The following DGKI variants were observed in gnomAD, a reference collection of about 807,000 sequenced individuals.
DGKI encodes the protein diacylglycerol kinase iota, also known as DAG kinase iota.
A neutral mutation model predicts 147.5 loss-of-function variants in DGKI; 55 were observed. That is an observed-to-expected ratio of 0.37 (90% CI 0.30 to 0.47). The LOEUF is 0.47. Among genes scored for constraint, DGKI ranks in the 20% least tolerant of loss-of-function variants. The pLI is 1.00. For synonymous variants in DGKI, 469 were observed against 477.1 expected, an observed-to-expected ratio of 0.98 and a Z score of 0.22; for missense variants, 1,007 against 1,323.8, an observed-to-expected ratio of 0.76 and a Z score of 3.71.
intron 3 of DGKI, among the ~76,000 whole-genome samples, chr7:137,675,659 T>C (rs962323689): frequency 7.8e-6 from 1 of 127,932 alleles, no homozygotes; most frequent in Non-Finnish European, 1.6e-5. Flanking sequence ...CACTCCAGCC[T>C]GGGCAGCCGA....
At chr7:137,514,608 C>T (rs994065053) in intron 21 of DGKI, among the ~76,000 whole-genome samples, 2 of 152,166 alleles carry the variant, frequency 1.3e-5, no homozygotes, top group Non-Finnish European at 2.9e-5. Context: ...TTGCTGAATC[C>T]TCTGCATCTT....
intron 12 of DGKI, among the ~76,000 whole-genome samples, chr7:137,593,536 T>A (rs1211168273): frequency 6.6e-6 from 1 of 152,134 alleles, no homozygotes; most frequent in African/African-American, 2.4e-5. Flanking sequence ...GCCTCTGAAC[T>A]GTGCAAGCCA....
In DGKI at chr7:137,577,203, C is replaced by T; in HGVS notation, c.1761+19G>A. 6.5e-7 allele frequency: 1 copy of T among 1,531,844 alleles called. No homozygotes were observed. Among genetic ancestry groups the T allele is most frequent in the Non-Finnish European group, 9.0e-7 (1 of 1,115,990 alleles). The allele number at this position is 1,531,844 out of a possible 1,614,324, so 94.9% of individuals were successfully genotyped here. ...CATATCATATTCAAATTAAATAAATCAACATATTCAATACTTACAACAACT... is the reference window on the plus strand; with the variant it reads ...CATATCATATTCAAATTAAATAAATTAACATATTCAATACTTACAACAACT... On this transcript the variant is annotated intron_variant, in intron 17 of 32. Coordinates refer to ENST00000614521, the MANE Select transcript of DGKI (RefSeq NM_001321708.2).
At chr7:137,530,263 AC>A (rs1291873658) in intron 20 of DGKI, among the ~76,000 whole-genome samples, 2 of 152,006 alleles carry the variant, frequency 1.3e-5, no homozygotes, top group African/African-American at 4.8e-5. Context: ...GAAGCTCTTT[AC>A]TTTTGGAATT....
intron 28 of DGKI, among the ~76,000 whole-genome samples, chr7:137,442,631 C>T (rs1008562795): frequency 4.6e-5 from 7 of 152,148 alleles, no homozygotes; most frequent in Non-Finnish European, 1.0e-4. Flanking sequence ...TGGTCAATTG[C>T]CTGATCCTGA....
At chr7:137,709,248 A>C (rs992498328) in intron 1 of DGKI, among the ~76,000 whole-genome samples, 2 of 152,192 alleles carry the variant, frequency 1.3e-5, no homozygotes, top group African/African-American at 4.8e-5. Flanking sequence ...GGAAGCTTAA[A>C]TTTCAGGGCC....
At chr7:137,799,818 G>A (rs1163713804) in intron 1 of DGKI, among the ~76,000 whole-genome samples, 3 of 152,202 alleles carry the variant, frequency 2.0e-5, no homozygotes, top group African/African-American at 7.2e-5. Flanking sequence ...GTCCCATTAG[G>A]TGCGTCCATT....
At chr7:137,471,774 G>A (rs1814899428) in intron 23 of DGKI, among the ~76,000 whole-genome samples, 1 of 151,028 alleles carries the variant, frequency 6.6e-6, no homozygotes, top group Non-Finnish European at 1.5e-5. Flanking sequence ...ATTCAGGAAT[G>A]CTACCAAAAT....
chr7:137,503,597 T>A (rs2128943775), intron 21 of DGKI, among the ~76,000 whole-genome samples: 1 of 152,292 alleles, frequency 6.6e-6, no homozygotes, highest in East Asian at 1.9e-4. Flanking sequence ...TTTGCTATAG[T>A]ACATATTCTC....
chr7:137,789,529 C>G (rs1253106121), intron 1 of DGKI, among the ~76,000 whole-genome samples: 1 of 151,948 alleles, frequency 6.6e-6, no homozygotes, highest in African/African-American at 2.4e-5. Context: ...ATATAAATAA[C>G]CTGGGTAATT....
intron 28 of DGKI, among the ~76,000 whole-genome samples, chr7:137,433,518 T>C (rs1247886660): frequency 6.6e-6 from 1 of 152,212 alleles, no homozygotes; most frequent in Non-Finnish European, 1.5e-5. Context: ...TAGCCTCACA[T>C]GAGAATTATA....
At chr7:137,758,999 A>T (rs1795772378) in intron 1 of DGKI, among the ~76,000 whole-genome samples, 1 of 152,140 alleles carries the variant, frequency 6.6e-6, no homozygotes, top group Admixed American at 6.5e-5. Context: ...ATACATGCGC[A>T]TGCTTGTTAC....
At chr7:137,410,489 T>G (rs908923994) in intron 29 of DGKI, among the ~76,000 whole-genome samples, 38 of 152,214 alleles carry the variant, frequency 2.5e-4, no homozygotes, top group African/African-American at 9.2e-4. Flanking sequence ...ATTAGGTTGG[T>G]GCAAAAATGA....
chr7:137,626,495 T>A (rs933534238), intron 6 of DGKI, among the ~76,000 whole-genome samples: 2 of 152,112 alleles, frequency 1.3e-5, no homozygotes, highest in Admixed American at 1.3e-4. Context: ...CAGAGTCTAG[T>A]GGGCCAAAGG....
chr7:137,793,253 C>G lies in DGKI; in HGVS notation c.401+53209G>C, dbSNP rs372117874. Reference sequence around the variant, plus strand: ...CGAAAAAAAGCCCTAGTTAGTCTACCTGACCCATTCTCTTCCCCTTCCAAT... The same window carrying G: ...CGAAAAAAAGCCCTAGTTAGTCTACGTGACCCATTCTCTTCCCCTTCCAAT... On this transcript the variant is annotated intron_variant, in intron 1 of 32. Coordinates refer to ENST00000614521, the MANE Select transcript of DGKI (RefSeq NM_001321708.2). 9.9e-5 allele frequency among the ~76,000 whole-genome samples: 15 copies of G among 152,082 alleles called. No homozygotes were observed. In the East Asian group the frequency reaches 2.1e-3, roughly 22 times the overall value.
intron 1 of DGKI, among the ~76,000 whole-genome samples, chr7:137,759,334 C>CT (rs551016252): frequency 2.0e-3 from 290 of 146,374 alleles, no homozygotes; most frequent in African/African-American, 5.2e-3. Context: ...GCTCTACATT[C>CT]TTTTTTTTTT....
At chr7:137,531,933 T>C (rs1212141575) in intron 20 of DGKI, among the ~76,000 whole-genome samples, 2 of 152,120 alleles carry the variant, frequency 1.3e-5, no homozygotes, top group African/African-American at 2.4e-5. Flanking sequence ...AATTAATTAG[T>C]GATATTTGAG....
intron 1 of DGKI, among the ~76,000 whole-genome samples, chr7:137,840,409 C>T (rs1184257407): frequency 9.9e-5 from 15 of 152,200 alleles, no homozygotes; most frequent in Admixed American, 9.8e-4. Context: ...CCTTTTTCTG[C>T]ATTTTTACAT....
intron 1 of DGKI, among the ~76,000 whole-genome samples, chr7:137,782,954 C>T (rs1796563646): frequency 1.3e-5 from 2 of 152,154 alleles, no homozygotes; most frequent in Admixed American, 6.5e-5. Context: ...AAGGGAGCAC[C>T]CCGTGGGACA....
Sources: gnomAD v4.1 joint callset for allele counts (sites outside exome capture counted in the v4.1 genomes callset) on GRCh38, gnomAD v4.1.1 for gene constraint, MANE v1.5 for transcripts, NCBI Gene and HGNC (gene_info 2026-07-23, HGNC 2026-07-21) for gene names.